Variants in CHM observed in about 807,000 individuals in gnomAD.
CHM encodes the protein rab proteins geranylgeranyltransferase component A 1.
CHM carries 10 observed loss-of-function variants against 49.0 expected under a neutral mutation model. That is an observed-to-expected ratio of 0.20 (90% CI 0.13 to 0.35). The LOEUF is 0.35. Ranked by LOEUF, CHM falls within the 10% of genes least tolerant of loss-of-function variation. The pLI is 1.00. For synonymous variants in CHM, 184 were observed against 167.5 expected (o/e 1.10, Z -0.76); for missense variants, 455 against 478.4 (o/e 0.95, Z 0.46).
At chrX:86,006,849 G>A (rs1932867508) in intron 2 of CHM, among the ~76,000 whole-genome samples, 1 of 111,776 alleles carries the variant, frequency 8.9e-6, no homozygotes, top group African/African-American at 3.3e-5. Flanking sequence ...GTAATTTATA[G>A]ATTCAATGCC....
At chrX:85,944,182 G>C (rs1446889872) in intron 8 of CHM, among the ~76,000 whole-genome samples, 1 of 111,562 alleles carries the variant, frequency 9.0e-6, no homozygotes, top group Non-Finnish European at 1.9e-5. Flanking sequence ...ATCCAGGATA[G>C]GAAATGTTTC....
chrX:85,960,049 C>T (rs5967655), intron 5 of CHM, among the ~76,000 whole-genome samples: 24,878 of 110,640 alleles, frequency 0.22, 2,126 homozygotes, highest in Non-Finnish European at 0.25. Flanking sequence ...AAATATGGCA[C>T]GTTACTTCAT....
chrX:86,047,509 C>T lies in CHM; in HGVS notation c.24G>A (p.Glu8=), dbSNP rs777732569. 9.9e-6 allele frequency: 12 copies of T among 1,207,038 alleles called. No individual in the cohort carries two copies. In the African/African-American group the frequency reaches 1.8e-4, roughly 18 times the overall value. Residue 8 remains glutamate (E), a synonymous_variant, in exon 1 of 15, where the codon GAG becomes GAA. Coordinates refer to ENST00000357749, the MANE Select transcript of CHM (RefSeq NM_000390.4). ...CCGTCCCTATTACGATCACATCAAA[C>T]TCCGAAGGGAGAGTATCCGCCATCT... is the stretch of plus-strand genomic sequence containing the variant. The part of the protein sequence containing the change: MADTLPS[E]FDVIVIGTGL...
chrX:85,967,572 G>A (rs1189126630), intron 4 of CHM, among the ~76,000 whole-genome samples: 1 of 111,463 alleles, frequency 9.0e-6, no homozygotes, highest in Non-Finnish European at 1.9e-5. Context: ...TCATTAAGTC[G>A]AACCATCTTA....
chrX:85,914,175 T>C (rs1165693716), intron 8 of CHM, among the ~76,000 whole-genome samples: 2 of 110,811 alleles, frequency 1.8e-5, no homozygotes, highest in South Asian at 3.9e-4. Context: ...AAATCCAGTA[T>C]ACTTGGAGCC....
chrX:86,023,205 T>C (rs1487779213), intron 2 of CHM, among the ~76,000 whole-genome samples: 1 of 111,667 alleles, frequency 9.0e-6, no homozygotes, highest in East Asian at 2.8e-4. Context: ...AGCTCTTTAA[T>C]ATCTATAAGA....
chrX:85,881,510 G>A (rs892438375), intron 12 of CHM, among the ~76,000 whole-genome samples: 2 of 112,076 alleles, frequency 1.8e-5, no homozygotes, highest in African/African-American at 6.5e-5. Flanking sequence ...AGAAAACAGG[G>A]ATGGGGGGCT....
In CHM at chrX:85,978,896, A is replaced by G. The variant is rs762433381; in HGVS notation, c.190-5T>C. 57 of 1,200,076 alleles carry G rather than the reference A, an allele frequency of 4.7e-5. No homozygotes were observed. In the South Asian group the frequency reaches 8.7e-4, roughly 18 times the overall value. Reference sequence around the variant, plus strand: ...ACTTACAATGTCACTGTTTTCCTAAACAAAACACAGATAAGAAGTTTTAAT... The same window carrying G: ...ACTTACAATGTCACTGTTTTCCTAAGCAAAACACAGATAAGAAGTTTTAAT... On this transcript the variant is annotated splice_region_variant and splice_polypyrimidine_tract_variant and intron_variant, in intron 3 of 14. Transcript: ENST00000357749.
At chrX:85,939,612 G>A (rs1372615821) in intron 8 of CHM, among the ~76,000 whole-genome samples, 1 of 112,390 alleles carries the variant, frequency 8.9e-6, no homozygotes, top group African/African-American at 3.2e-5. Context: ...GATTAAGGGT[G>A]GAATATGAAG....
chrX:85,868,018 ACT>A (rs1491134249), intron 14 of CHM, among the ~76,000 whole-genome samples: 2,366 of 87,155 alleles, frequency 0.027, 45 homozygotes, highest in African/African-American at 0.086. Context: ...AATAGTTACC[ACT>A]GTGTGTGTGT....
intron 2 of CHM, among the ~76,000 whole-genome samples, chrX:85,994,356 T>C (rs949518212): frequency 4.5e-5 from 5 of 111,970 alleles, no homozygotes; most frequent in Non-Finnish European, 9.4e-5. Context: ...AGCACACTTC[T>C]GCAAGCAATT....
At chrX:85,962,007 C>G (rs2147672505) in intron 5 of CHM, among the ~76,000 whole-genome samples, 1 of 112,222 alleles carries the variant, frequency 8.9e-6, no homozygotes, top group African/African-American at 3.2e-5. Context: ...TACCATTTCC[C>G]TTTGCAAGAT....
At chrX:85,869,929 ATGTT>A (rs1375523843) in intron 14 of CHM, among the ~76,000 whole-genome samples, 1 of 112,522 alleles carries the variant, frequency 8.9e-6, no homozygotes, top group Admixed American at 9.4e-5. Flanking sequence ...AAATATTTCT[ATGTT>A]TAGTTAACAT....
At chrX:85,909,800 A>AC (rs1432159298) in intron 9 of CHM, among the ~76,000 whole-genome samples, 5 of 112,149 alleles carry the variant, frequency 4.5e-5, no homozygotes, top group African/African-American at 1.6e-4. Context: ...CTGAAATGGG[A>AC]CCCCAAGGGT....
rs184703873 is a variant in CHM, at chrX:85,932,431, T to A, written c.1167-21093A>T. Among the ~76,000 whole-genome samples the A allele has an allele frequency of 3.3e-3, 369 of 112,424 alleles. 2 individuals are homozygous for A. Among genetic ancestry groups the A allele is most frequent in the Non-Finnish European group, 5.0e-3 (264 of 53,312 alleles). On this transcript the variant is annotated intron_variant, in intron 8 of 14. Coordinates refer to ENST00000357749, the MANE Select transcript of CHM (RefSeq NM_000390.4). ...AAATTATTTTCTACCCCAGTAACTATTCAGAAATAAAGCAATATTTCTTTT... is the reference window on the plus strand; with the variant it reads ...AAATTATTTTCTACCCCAGTAACTAATCAGAAATAAAGCAATATTTCTTTT...
At chrX:85,999,709 T>C (rs1932611101) in intron 2 of CHM, among the ~76,000 whole-genome samples, 1 of 112,208 alleles carries the variant, frequency 8.9e-6, no homozygotes, top group Admixed American at 9.4e-5. Flanking sequence ...AGCTCATTAA[T>C]ATTTACAGCA....
At chrX:86,035,797 T>A (rs1384654801) in intron 1 of CHM, among the ~76,000 whole-genome samples, 1 of 98,429 alleles carries the variant, frequency 1.0e-5, no homozygotes, top group African/African-American at 3.8e-5. Context: ...ATTTTTTTTT[T>A]TTTTTTTTTT....
chrX:86,003,415 C>G (rs1932787749), intron 2 of CHM, among the ~76,000 whole-genome samples: 1 of 112,140 alleles, frequency 8.9e-6, no homozygotes, highest in African/African-American at 3.2e-5. Flanking sequence ...ATGATTTTGA[C>G]GAGTTGACAG....
intron 4 of CHM, among the ~76,000 whole-genome samples, chrX:85,976,447 C>T (rs1931262842): frequency 9.0e-6 from 1 of 110,630 alleles, no homozygotes; most frequent in African/African-American, 3.3e-5. Context: ...ACGGTGAAAC[C>T]CTGTCTCTAC....
Sources: gnomAD v4.1 joint callset for allele counts (sites outside exome capture counted in the v4.1 genomes callset) on GRCh38, gnomAD v4.1.1 for gene constraint, MANE v1.5 for transcripts, NCBI Gene and HGNC (gene_info 2026-07-23, HGNC 2026-07-21) for gene names.